APLF: variants seen among roughly 807,000 people sequenced by gnomAD.
APLF encodes aprataxin and PNK-like factor.
Under a neutral mutation model 55.6 loss-of-function variants are expected in APLF, and 61 were observed. The observed-to-expected ratio is 1.10, with a 90% CI of 0.89 to 1.36. APLF has a LOEUF of 1.36. Among genes scored for constraint, APLF ranks in the 40% most tolerant of loss-of-function variants. The pLI is 0.00. For synonymous variants in APLF, 207 were observed against 214.8 expected (o/e 0.96, Z 0.32); for missense variants, 611 against 602.5 (o/e 1.01, Z -0.15).
At chr2:68,485,280 AG>A (rs562795685) in intron 1 of APLF, among the ~76,000 whole-genome samples, 81 of 152,220 alleles carry the variant, frequency 5.3e-4, no homozygotes, top group Non-Finnish European at 1.9e-4. Context: ...TAATGACATC[AG>A]TGCTTCTGTG....
chr2:68,513,672 T>C lies in APLF; in HGVS notation c.614T>C (p.Ile205Thr). The change falls in exon 5 of 10, where the codon ATC becomes ACC. Residue 205 changes from isoleucine to threonine, a missense_variant. By Grantham distance (89) the Ile-to-Thr change is moderately conservative. Transcript: ENST00000303795. ...GATCAAAACCTTTCAGTACCAGCAA[T>C]CAGTGGAGGTAGGTTTTTGTTTCTA... is the stretch of plus-strand genomic sequence containing the variant. Reference protein sequence around the residue: ...LSDQNLSVPAISGGNVIQGSG... With the variant: ...LSDQNLSVPATSGGNVIQGSG... 1 of 1,610,542 alleles carries C rather than the reference T, an allele frequency of 6.2e-7. No homozygotes were observed. Among genetic ancestry groups the C allele is most frequent in the South Asian group, 1.1e-5 (1 of 90,830 alleles).
chr2:68,565,761 A>G (rs962169388), intron 8 of APLF, among the ~76,000 whole-genome samples: 22 of 152,186 alleles, frequency 1.4e-4, no homozygotes, highest in African/African-American at 4.6e-4. Flanking sequence ...AACACACTAT[A>G]CTTTTTTAAA....
rs754398862 is a variant in APLF, at chr2:68,578,170, T to TTG, written c.*149_*150dup. 1 of 1,414,934 alleles carries TTG rather than the reference T, an allele frequency of 7.1e-7. No homozygotes were observed. Among genetic ancestry groups the TTG allele is most frequent in the Non-Finnish European group, 9.2e-7 (1 of 1,087,394 alleles). 87.6% of individuals were successfully genotyped at this position (1,414,934 alleles called of 1,614,324 possible). ...CTACTGACTCTTTACAAATGAGACA[T>TTG]TGAAACGTCAGCCTTCAGTATAATA... On this transcript the variant is annotated 3_prime_UTR_variant, in exon 10 of 10. Coordinates refer to ENST00000303795, the MANE Select transcript of APLF (RefSeq NM_173545.3).
chr2:68,512,730 T>C (rs1669424375), intron 3 of APLF, among the ~76,000 whole-genome samples: 1 of 151,816 alleles, frequency 6.6e-6, no homozygotes, highest in South Asian at 2.1e-4. Context: ...GCTGATGCCC[T>C]TGCAGTTTAC....
chr2:68,523,324 A>G (rs545733023), intron 5 of APLF, among the ~76,000 whole-genome samples: 1 of 152,132 alleles, frequency 6.6e-6, no homozygotes, highest in Non-Finnish European at 1.5e-5. Context: ...AGAAAGGAGT[A>G]TTATCGAACA....
intron 3 of APLF, among the ~76,000 whole-genome samples, chr2:68,508,353 A>G (rs1338704849): frequency 1.3e-5 from 2 of 151,864 alleles, no homozygotes; most frequent in Non-Finnish European, 2.9e-5. Flanking sequence ...CAAGACAATT[A>G]AATGGGGGAA....
At chr2:68,550,684 A>T (rs1670835635) in intron 8 of APLF, among the ~76,000 whole-genome samples, 1 of 149,082 alleles carries the variant, frequency 6.7e-6, no homozygotes, top group African/African-American at 2.5e-5. Flanking sequence ...TCCTCTGTTA[A>T]TTTTTCAATA....
intron 2 of APLF, among the ~76,000 whole-genome samples, chr2:68,501,378 G>A (rs1676715535): frequency 6.6e-6 from 1 of 151,716 alleles, no homozygotes; most frequent in South Asian, 2.1e-4. Context: ...TGATGAAATA[G>A]ATAGAAGGAA....
At chr2:68,492,036 A>G (rs915010984) in intron 2 of APLF, among the ~76,000 whole-genome samples, 13 of 152,176 alleles carry the variant, frequency 8.5e-5, no homozygotes, top group Non-Finnish European at 1.8e-4. Context: ...TATTTTAAAC[A>G]TTTACATTTT....
At chr2:68,560,428 G>GAAA (rs70954313) in intron 8 of APLF, among the ~76,000 whole-genome samples, 6 of 151,834 alleles carry the variant, frequency 4.0e-5, no homozygotes, top group African/African-American at 4.8e-5. Context: ...GGAAATATTA[G>GAAA]GGTCAAATTT....
intron 1 of APLF, among the ~76,000 whole-genome samples, chr2:68,475,991 C>T (rs1225870944): frequency 6.6e-6 from 1 of 150,598 alleles, no homozygotes; most frequent in African/African-American, 2.5e-5. Context: ...TAGGTTTATG[C>T]ATTTCACCAT....
Position 68,529,463 on chromosome 2 carries a change from A to G in APLF, c.804+3221A>G, listed in dbSNP as rs1670182599. 8.9e-7 allele frequency: 1 copy of G among 1,129,428 alleles called. No individual in the cohort carries two copies. 70.0% of individuals were successfully genotyped at this position (1,129,428 alleles called of 1,614,324 possible). A position where few individuals can be genotyped will look rare whatever the true frequency, so the allele number is the denominator to read the frequency against. On this transcript the variant is annotated intron_variant, in intron 6 of 9. Coordinates refer to ENST00000303795, the MANE Select transcript of APLF (RefSeq NM_173545.3). This position sits in a 1 kb window ranked among gnomAD's most constrained non-coding sequence, Gnocchi z 4.4. ...ACAAAATACGCTTAGTGAGTTGTCCATTTTGAGCGAGTTGTGCACAGACGA... is the reference window on the plus strand; with the variant it reads ...ACAAAATACGCTTAGTGAGTTGTCCGTTTTGAGCGAGTTGTGCACAGACGA...
chr2:68,552,788 T>C (rs1670901001), intron 8 of APLF, among the ~76,000 whole-genome samples: 1 of 152,154 alleles, frequency 6.6e-6, no homozygotes, highest in East Asian at 1.9e-4. Flanking sequence ...CCAAAACCAA[T>C]TAGCTTACAT....
At chr2:68,516,880 T>A (rs899027534) in intron 5 of APLF, among the ~76,000 whole-genome samples, 85 of 133,666 alleles carry the variant, frequency 6.4e-4, no homozygotes, top group African/African-American at 2.3e-3. Flanking sequence ...ATATATAATG[T>A]TATATATAAT....
In APLF at chr2:68,526,118, A is replaced by C; in HGVS notation, c.680A>C (p.Asn227Thr). 4 of 1,613,982 alleles carry C rather than the reference A, an allele frequency of 2.5e-6. No individual in the cohort carries two copies. Among genetic ancestry groups the C allele is most frequent in the Non-Finnish European group, 3.4e-6 (4 of 1,179,986 alleles). The change falls in exon 6 of 10, where the codon AAC becomes ACC. Residue 227 changes from asparagine to threonine, a missense_variant. Asn to Thr is a moderately conservative substitution (Grantham distance 65). Coordinates refer to ENST00000303795, the MANE Select transcript of APLF (RefSeq NM_173545.3). ...ATCTGCAAAGATAAATCCCAGCTAA[A>C]CACAACCCAGCAAGGAAGAAGGCAA... ...EEICKDKSQL[N>T]TTQQGRRQLI... is the part of the protein sequence containing the mutation.
chr2:68,576,597 A>C (rs1671631414), intron 9 of APLF, among the ~76,000 whole-genome samples: 1 of 152,108 alleles, frequency 6.6e-6, no homozygotes, highest in Non-Finnish European at 1.5e-5. Context: ...TACCTTTATT[A>C]GCATTTTATT....
intron 8 of APLF, among the ~76,000 whole-genome samples, chr2:68,567,007 T>A (rs555983033): frequency 2.0e-5 from 3 of 152,102 alleles, no homozygotes; most frequent in Non-Finnish European, 4.4e-5. Context: ...TAGTTTTGGA[T>A]TCTATTTTAT....
intron 5 of APLF, among the ~76,000 whole-genome samples, chr2:68,520,449 T>A (rs181483879): frequency 1.2e-4 from 18 of 152,172 alleles, no homozygotes; most frequent in Admixed American, 2.6e-4. Context: ...TGGTTTCAGG[T>A]CTTAGATTTA....
intron 5 of APLF, among the ~76,000 whole-genome samples, chr2:68,525,742 CTTTTTTTTTTTTTTTTTT>C (rs386390398): frequency 1.2e-5 from 1 of 82,036 alleles, no homozygotes; most frequent in African/African-American, 6.2e-5. Context: ...TTCTTTCTTT[CTTTTTTTTTTTTTTTTTT>C]TTTTTTTAAC....
Sources: allele counts gnomAD v4.1 joint callset (sites outside exome capture counted in the v4.1 genomes callset), GRCh38; gene constraint gnomAD v4.1.1; non-coding constraint Gnocchi (gnomAD v3.1); transcripts MANE v1.5; gene names NCBI Gene and HGNC (gene_info 2026-07-23, HGNC 2026-07-21).